PPP1R9A: variants seen among roughly 807,000 people sequenced by gnomAD.
The protein encoded by PPP1R9A is protein phosphatase 1 regulatory subunit 9A, also known as neurabin-1.
Under a neutral mutation model 141.9 loss-of-function variants are expected in PPP1R9A, and 59 were observed. That is an observed-to-expected ratio of 0.42 (90% confidence interval 0.34 to 0.52). The LOEUF (loss-of-function observed/expected upper bound fraction) is 0.52, where lower values mean the gene tolerates loss of function less well. Ranked by LOEUF, PPP1R9A falls within the 20% of genes least tolerant of loss-of-function variation. The pLI, the probability that PPP1R9A is intolerant of heterozygous loss-of-function variation, is 0.10. For missense variants in PPP1R9A, 1,444 were observed against 1,611.9 expected (o/e 0.90, Z 1.78); for synonymous variants, 500 against 569.7 (o/e 0.88, Z 1.74).
rs146448561 is a variant in PPP1R9A at position 95,246,466 on chromosome 7, C to T, written c.2113-1007C>T. 7.0e-3 allele frequency among the ~76,000 whole-genome samples: 1,072 copies of T among 152,276 alleles called. 27 individuals carry two copies. The highest frequency in any genetic ancestry group is 0.04 in the Admixed American group (607 of 15,286). On this transcript the variant is annotated intron_variant, in intron 8 of 19. Coordinates refer to ENST00000433360, the MANE Select transcript of PPP1R9A (RefSeq NM_001166160.2). ...AATTTAGTGGTACAACCTGACCTAA[C>T]AGGATGCTATTTACAGTCTTCATGT...
chr7:94,973,941 T>C (rs928905638), intron 2 of PPP1R9A, among the ~76,000 whole-genome samples: 1 of 152,130 alleles, frequency 6.6e-6, no homozygotes, highest in Non-Finnish European at 1.5e-5. Context: ...GGTCTCAGAC[T>C]ACTGAGCTCA....
At chr7:94,931,861 AGC>A (rs764957085) in intron 2 of PPP1R9A, among the ~76,000 whole-genome samples, 7 of 152,204 alleles carry the variant, frequency 4.6e-5, no homozygotes, top group African/African-American at 7.2e-5. Context: ...TACAGGTGTG[AGC>A]CACCGTGCCC....
chr7:95,282,050 A>G (rs1428271912), intron 16 of PPP1R9A, among the ~76,000 whole-genome samples: 1 of 152,194 alleles, frequency 6.6e-6, no homozygotes, highest in Non-Finnish European at 1.5e-5. Flanking sequence ...AACCTAAGCT[A>G]AAAAACAAGC....
At chr7:95,194,842 A>G (rs1390143764) in intron 5 of PPP1R9A, among the ~76,000 whole-genome samples, 3 of 152,084 alleles carry the variant, frequency 2.0e-5, no homozygotes, top group African/African-American at 4.8e-5. Flanking sequence ...ATAGAGATAC[A>G]CCATGTTCAG....
rs577705047 is a variant in PPP1R9A at position 95,094,781 on chromosome 7, G to A, written c.1396-16478G>A. On this transcript the variant is annotated intron_variant, in intron 2 of 19. Coordinates refer to ENST00000433360, the MANE Select transcript of PPP1R9A (RefSeq NM_001166160.2). The stretch of plus-strand genomic sequence containing the variant: ...TGTAATCCCAGCTACTTGGGAGGCT[G>A]AGGCAGGAGAATCGCTTGAACCTGG... Among the ~76,000 whole-genome samples, 6 of 149,332 alleles carry A rather than the reference G, an allele frequency of 4.0e-5. No individual in the cohort carries two copies. The East Asian group carries it at 1.2e-3, about 30-fold the overall frequency.
chr7:95,246,789 C>G (rs547149774), intron 8 of PPP1R9A, among the ~76,000 whole-genome samples: 7 of 151,884 alleles, frequency 4.6e-5, no homozygotes, highest in Non-Finnish European at 8.8e-5. Flanking sequence ...GAAAACAAAG[C>G]GGGGGGAGGG....
At chr7:95,198,209 G>GAA in intron 5 of PPP1R9A, 140 bp from the exon 6 acceptor site, 2 of 714,394 alleles carry the variant, frequency 2.8e-6, no homozygotes, top group Non-Finnish European at 4.1e-6. Context: ...TCTCACCCAA[G>GAA]AAAACCATTT....
intron 16 of PPP1R9A, among the ~76,000 whole-genome samples, chr7:95,278,918 G>T (rs1173634768): frequency 1.3e-5 from 2 of 151,146 alleles, no homozygotes; most frequent in Non-Finnish European, 1.5e-5. Flanking sequence ...TGGAGACATA[G>T]ACACACACAC....
chr7:95,179,433 A>C (rs1262413725), intron 5 of PPP1R9A, among the ~76,000 whole-genome samples: 1 of 152,118 alleles, frequency 6.6e-6, no homozygotes, highest in Non-Finnish European at 1.5e-5. Flanking sequence ...AATGGTGAAA[A>C]GTTGAAAGCA....
chr7:95,004,459 G>A (rs1803337518), intron 2 of PPP1R9A, among the ~76,000 whole-genome samples: 1 of 152,020 alleles, frequency 6.6e-6, no homozygotes, highest in Non-Finnish European at 1.5e-5. Flanking sequence ...TCCCATTTCT[G>A]CTATAATCAA....
At chr7:95,149,281 C>T (rs1372738553) in intron 4 of PPP1R9A, among the ~76,000 whole-genome samples, 1 of 151,878 alleles carries the variant, frequency 6.6e-6, no homozygotes, top group Non-Finnish European at 1.5e-5. Context: ...ACACCTAGAG[C>T]TAACATTATA....
intron 7 of PPP1R9A, among the ~76,000 whole-genome samples, chr7:95,212,570 C>A (rs1792356263): frequency 6.6e-6 from 1 of 152,078 alleles, no homozygotes; most frequent in East Asian, 1.9e-4. Context: ...CAGATAAGAT[C>A]TTATGAAAAT....
At chr7:95,208,525 C>A (rs762445631) in intron 7 of PPP1R9A, among the ~76,000 whole-genome samples, 3 of 151,796 alleles carry the variant, frequency 2.0e-5, no homozygotes, top group Non-Finnish European at 4.4e-5. Context: ...GAGATTGAGA[C>A]CATCCTGGCT....
At chr7:95,092,369 G>A (rs1817478675) in intron 2 of PPP1R9A, among the ~76,000 whole-genome samples, 1 of 136,800 alleles carries the variant, frequency 7.3e-6, no homozygotes, top group Non-Finnish European at 1.6e-5. Context: ...TTTGATTAAA[G>A]ACTAGTTCTC....
At chr7:95,204,927 TAC>T (rs1373232854) in intron 7 of PPP1R9A, among the ~76,000 whole-genome samples, 1 of 118,690 alleles carries the variant, frequency 8.4e-6, no homozygotes, top group African/African-American at 3.3e-5. Flanking sequence ...CCCCACACCA[TAC>T]ACACACCACA....
At chr7:94,950,646 T>C (rs895859690) in intron 2 of PPP1R9A, among the ~76,000 whole-genome samples, 7 of 152,078 alleles carry the variant, frequency 4.6e-5, no homozygotes, top group Non-Finnish European at 7.4e-5. Context: ...TCTTCTTTAA[T>C]ATATTTATTA....
At chr7:95,216,799 A>T (rs987046349) in intron 7 of PPP1R9A, among the ~76,000 whole-genome samples, 2 of 152,060 alleles carry the variant, frequency 1.3e-5, no homozygotes, top group African/African-American at 4.8e-5. Flanking sequence ...AATGCTTGTG[A>T]TTTTTGCACA....
chr7:95,054,772 T>A lies in PPP1R9A; in HGVS notation c.1396-56487T>A, dbSNP rs930488489. ...CTTCCCAGCACATTGACATTTGTGT[T>A]TCATAGCATTGAATAGTATTTGAAA... On this transcript the variant is annotated intron_variant, in intron 2 of 19. Transcript: ENST00000433360. Among the ~76,000 whole-genome samples the A allele has an allele frequency of 1.4e-4, 21 of 152,308 alleles. 1 individual carries two copies. The highest frequency in any genetic ancestry group is 1.4e-3 in the Admixed American group (21 of 15,296).
chr7:94,924,916 G>T (rs1427387739), intron 2 of PPP1R9A, among the ~76,000 whole-genome samples: 1 of 152,126 alleles, frequency 6.6e-6, no homozygotes, highest in African/African-American at 2.4e-5. Flanking sequence ...CCCTCAGATG[G>T]TTGAAAGTCT....
Sources: allele counts gnomAD v4.1 joint callset (sites outside exome capture counted in the v4.1 genomes callset), GRCh38; gene constraint gnomAD v4.1.1; transcripts MANE v1.5; gene names NCBI Gene and HGNC (gene_info 2026-07-23, HGNC 2026-07-21).